Variants in CTNNA3 observed in about 807,000 individuals in gnomAD.
The protein encoded by CTNNA3 is catenin alpha-3.
In CTNNA3, 76 loss-of-function variants were observed where a neutral mutation model predicts 95.7. The observed-to-expected ratio is 0.79, with a 90% CI of 0.66 to 0.96. The LOEUF is 0.96. CTNNA3 is among the 40% of genes least tolerant of loss of function. The probability of loss-of-function intolerance (pLI) is 0.00; values close to 1 mark genes in which losing one functional copy is unlikely to be tolerated. For missense variants in CTNNA3, 1,191 were observed against 1,089.8 expected (o/e 1.09, Z -1.31); for synonymous variants, 431 against 374.4 (o/e 1.15, Z -1.74).
chr10:66,543,270 T>C (rs922914240), intron 10 of CTNNA3, among the ~76,000 whole-genome samples: 3 of 152,120 alleles, frequency 2.0e-5, no homozygotes, highest in East Asian at 3.9e-4. Flanking sequence ...TTTTTGTATT[T>C]TTAGAAGAGA....
upstream of CTNNA3, among the ~76,000 whole-genome samples, chr10:67,701,149 T>C (rs549628603): frequency 1.3e-5 from 2 of 152,282 alleles, no homozygotes; most frequent in East Asian, 3.9e-4. Flanking sequence ...CTACGTCTGA[T>C]TGGTGTACCT....
At chr10:66,899,427 G>A (rs1352268451) in intron 7 of CTNNA3, among the ~76,000 whole-genome samples, 5 of 152,280 alleles carry the variant, frequency 3.3e-5, no homozygotes, top group Admixed American at 6.5e-5. Flanking sequence ...AGCTCCGGTC[G>A]GAAGCTCCTA....
At chr10:66,001,429 C>A (rs1208813397) in intron 15 of CTNNA3, among the ~76,000 whole-genome samples, 4 of 152,046 alleles carry the variant, frequency 2.6e-5, no homozygotes, top group Non-Finnish European at 5.9e-5. Context: ...CATTTTATTT[C>A]TAACATTCAA....
intron 13 of CTNNA3, among the ~76,000 whole-genome samples, chr10:66,241,821 C>T (rs1262195804): frequency 3.3e-5 from 5 of 151,848 alleles, no homozygotes; most frequent in Admixed American, 1.3e-4. Context: ...ATTAAAATAA[C>T]GTTAGAAAAC....
intron 1 of CTNNA3, among the ~76,000 whole-genome samples, chr10:67,702,323 AT>A (rs1205139882): frequency 1.3e-5 from 2 of 152,066 alleles, no homozygotes; most frequent in Admixed American, 6.6e-5. Flanking sequence ...CAGAATATAC[AT>A]TTTTTTCAGC....
chr10:66,345,743 C>T (rs1006955147), intron 12 of CTNNA3, among the ~76,000 whole-genome samples: 2 of 151,918 alleles, frequency 1.3e-5, no homozygotes, highest in African/African-American at 4.8e-5. Flanking sequence ...GCATACATTT[C>T]TGAAAGCAGC....
At chr10:66,756,181 TA>T (rs1839355369) in intron 9 of CTNNA3, among the ~76,000 whole-genome samples, 1 of 151,962 alleles carries the variant, frequency 6.6e-6, no homozygotes, top group Non-Finnish European at 1.5e-5. Flanking sequence ...TGGAATAAAA[TA>T]ATGAGAGGAA....
chr10:67,072,116 C>A (rs966996248), intron 7 of CTNNA3, among the ~76,000 whole-genome samples: 1 of 152,088 alleles, frequency 6.6e-6, no homozygotes, highest in African/African-American at 2.4e-5. Context: ...CCAAGCCCAG[C>A]TAATTTTTTG....
chr10:66,059,156 G>T (rs555364824), intron 15 of CTNNA3, among the ~76,000 whole-genome samples: 3 of 152,080 alleles, frequency 2.0e-5, no homozygotes, highest in East Asian at 1.9e-4. Context: ...ATTTTCAGAG[G>T]GGGGAGTATC....
intron 3 of CTNNA3, among the ~76,000 whole-genome samples, chr10:67,589,929 C>T (rs556939755): frequency 5.9e-5 from 9 of 152,126 alleles, no homozygotes; most frequent in African/African-American, 1.9e-4. Context: ...AATATTTTTG[C>T]TTACTATTTG....
intron 12 of CTNNA3, among the ~76,000 whole-genome samples, chr10:66,285,090 T>A (rs1034482443): frequency 1.3e-5 from 2 of 151,608 alleles, no homozygotes; most frequent in Non-Finnish European, 2.9e-5. Context: ...AAATGATATG[T>A]CCCAAAGTAC....
chr10:67,286,504 T>C (rs1839608358), intron 5 of CTNNA3, among the ~76,000 whole-genome samples: 2 of 152,256 alleles, frequency 1.3e-5, no homozygotes, highest in Admixed American at 6.5e-5. Context: ...TTACATTATA[T>C]AGCTCATGTA....
intron 7 of CTNNA3, among the ~76,000 whole-genome samples, chr10:67,069,704 T>C (rs1856329677): frequency 6.6e-6 from 1 of 152,052 alleles, no homozygotes; most frequent in African/African-American, 2.4e-5. Flanking sequence ...GAATGTTGTG[T>C]CTCACTCAAC....
At chr10:67,461,836 G>T (rs1178983858) in intron 5 of CTNNA3, among the ~76,000 whole-genome samples, 1 of 152,154 alleles carries the variant, frequency 6.6e-6, no homozygotes, top group East Asian at 1.9e-4. Flanking sequence ...ACAACATGAT[G>T]CATTAGGAGA....
intron 7 of CTNNA3, among the ~76,000 whole-genome samples, chr10:66,940,832 C>T (rs550063569): frequency 6.6e-6 from 1 of 152,150 alleles, no homozygotes; most frequent in South Asian, 2.1e-4. Flanking sequence ...CAACTGTACC[C>T]AAGTGCAGAT....
chr10:67,163,615 C>G (rs1216757782), intron 7 of CTNNA3, among the ~76,000 whole-genome samples: 1 of 151,954 alleles, frequency 6.6e-6, no homozygotes, highest in African/African-American at 2.4e-5. Context: ...TCTGGAAGTT[C>G]TAATCGGTGC....
At chr10:66,661,247 G>A (rs1323225532) in intron 9 of CTNNA3, among the ~76,000 whole-genome samples, 2 of 152,054 alleles carry the variant, frequency 1.3e-5, no homozygotes, top group Non-Finnish European at 2.9e-5. Flanking sequence ...AAGTTTAATT[G>A]GATTTATAGT....
intron 7 of CTNNA3, chr10:66,928,248 G>A: frequency 6.2e-7 from 1 of 1,614,166 alleles, no homozygotes; most frequent in Non-Finnish European, 8.5e-7. Flanking sequence ...CATGGAAGCG[G>A]TACCCTGCGA....
chr10:66,863,554 T>C (rs1844042835), intron 7 of CTNNA3, among the ~76,000 whole-genome samples: 1 of 152,088 alleles, frequency 6.6e-6, no homozygotes, highest in South Asian at 2.1e-4. Context: ...GAAGATGAAA[T>C]AAGTTGAAAA....
Sources: allele counts gnomAD v4.1 joint callset (sites outside exome capture counted in the v4.1 genomes callset), GRCh38; gene constraint gnomAD v4.1.1; transcripts MANE v1.5; gene names NCBI Gene and HGNC (gene_info 2026-07-23, HGNC 2026-07-21).